The following FNIP1 variants were observed in gnomAD, a reference collection of about 807,000 sequenced individuals.
The protein encoded by FNIP1 is folliculin interacting protein 1, also known as folliculin-interacting protein 1.
Under a neutral mutation model 124.5 loss-of-function variants are expected in FNIP1, and 40 were observed. The observed-to-expected ratio is 0.32, with a 90% CI of 0.25 to 0.42. The LOEUF (loss-of-function observed/expected upper bound fraction) is 0.42, where lower values mean the gene tolerates loss of function less well. Ranked by LOEUF, FNIP1 falls within the 10% of genes least tolerant of loss-of-function variation. FNIP1 has a pLI of 1.00. For missense variants in FNIP1, 1,176 were observed against 1,403.7 expected, an observed-to-expected ratio of 0.84 and a Z score of 2.59; for synonymous variants, 472 against 470.6, an observed-to-expected ratio of 1.00 and a Z score of -0.04.
intron 11 of FNIP1, among the ~76,000 whole-genome samples, chr5:131,687,767 T>C (rs1454937389): frequency 6.6e-6 from 1 of 152,044 alleles, no homozygotes; most frequent in Middle Eastern, 3.2e-3. Flanking sequence ...GAAGAATGAG[T>C]GTGAATTCCT....
At chr5:131,670,263 T>G (rs1036642307) in intron 15 of FNIP1, among the ~76,000 whole-genome samples, 200 bp downstream of exon 15, 1 of 152,186 alleles carries the variant, frequency 6.6e-6, no homozygotes, top group African/African-American at 2.4e-5. Context: ...ATTTCAGATA[T>G]CCATGTGGAT....
chr5:131,777,345 G>C (rs1445537056), intron 1 of FNIP1, among the ~76,000 whole-genome samples: 1 of 151,522 alleles, frequency 6.6e-6, no homozygotes, highest in African/African-American at 2.4e-5. Flanking sequence ...TGACAATGAA[G>C]ATCTCTAGAA....
chr5:131,656,464 C>G (rs1352755878), intron 15 of FNIP1, among the ~76,000 whole-genome samples: 1 of 152,126 alleles, frequency 6.6e-6, no homozygotes, highest in Non-Finnish European at 1.5e-5. Context: ...TATGTGGGTA[C>G]AGGGTTGCTG....
intron 15 of FNIP1, among the ~76,000 whole-genome samples, chr5:131,665,573 A>ATAT (rs1554092474): frequency 6.7e-6 from 1 of 149,488 alleles, no homozygotes; most frequent in Non-Finnish European, 1.5e-5. Context: ...AGGATTAAAA[A>ATAT]ATATATATAT....
chr5:131,735,139 A>G (rs1441623735), intron 2 of FNIP1, among the ~76,000 whole-genome samples: 2 of 152,190 alleles, frequency 1.3e-5, no homozygotes, highest in Non-Finnish European at 2.9e-5. Context: ...ATAAAAAAGG[A>G]TGAGTTCATG....
rs1202020218 is a variant in FNIP1, at chr5:131,671,979, G to A, written c.2465C>T (p.Pro822Leu). 2 of 1,614,172 alleles carry A rather than the reference G, an allele frequency of 1.2e-6. No homozygotes were observed. The highest frequency in any genetic ancestry group is 1.7e-6 in the Non-Finnish European group (2 of 1,180,022). The change falls in exon 14 of 18, where the codon CCC (proline) becomes CTC (leucine). Residue 822 changes from proline (P) to leucine (L), a missense_variant. By Grantham distance (98) the Pro-to-Leu change is moderately conservative (BLOSUM62 -3). Coordinates refer to ENST00000510461, the MANE Select transcript of FNIP1 (RefSeq NM_133372.3). Reference protein sequence around the residue: ...NMVSEEPCELPCWNHSDPESM... With the variant: ...NMVSEEPCELLCWNHSDPESM... ...TTCTGGGTCTGAATGATTCCAACAG[G>A]GAAGTTCACAGGGCTCTTCAGAAAC...
At chr5:131,765,476 C>A (rs1434808505) in intron 1 of FNIP1, among the ~76,000 whole-genome samples, 2 of 152,120 alleles carry the variant, frequency 1.3e-5, no homozygotes, top group Admixed American at 1.3e-4. Flanking sequence ...GAACATGTTT[C>A]TTTCTCCATT....
chr5:131,796,778 C>T, intron 1 of FNIP1, 52 bp downstream of exon 1: 1 of 1,513,768 alleles, frequency 6.6e-7, no homozygotes, highest in Non-Finnish European at 9.0e-7. Flanking sequence ...CCCCTGGAGC[C>T]CGGAGCCCAC....
intron 1 of FNIP1, among the ~76,000 whole-genome samples, chr5:131,790,162 G>A (rs780425970): frequency 1.3e-5 from 2 of 151,430 alleles, no homozygotes; most frequent in Non-Finnish European, 3.0e-5. Flanking sequence ...TGTGAACTTG[G>A]GGGAGACAAA....
intron 6 of FNIP1, among the ~76,000 whole-genome samples, chr5:131,713,947 T>A (rs1769384790): frequency 6.6e-6 from 1 of 152,250 alleles, no homozygotes. Flanking sequence ...GTTAGAATAT[T>A]CTTCTACAGA....
chr5:131,693,297 C>CATAT (rs142195628), intron 11 of FNIP1, among the ~76,000 whole-genome samples: 67 of 27,032 alleles, frequency 2.5e-3, no homozygotes, highest in African/African-American at 6.3e-3. Context: ...TAAATATATA[C>CATAT]ATATATATAT....
chr5:131,729,577 C>T (rs1371313324), intron 3 of FNIP1, among the ~76,000 whole-genome samples: 1 of 152,160 alleles, frequency 6.6e-6, no homozygotes, highest in Non-Finnish European at 1.5e-5. Context: ...GCCAGCCACC[C>T]TATATACATA....
chr5:131,740,123 G>A (rs955345586), intron 2 of FNIP1, among the ~76,000 whole-genome samples: 6 of 152,124 alleles, frequency 3.9e-5, no homozygotes, highest in African/African-American at 1.2e-4. Context: ...GTTAAGGTAC[G>A]TTTTTACGTC....
chr5:131,771,921 A>G (rs1230276946), intron 1 of FNIP1, among the ~76,000 whole-genome samples: 2 of 152,168 alleles, frequency 1.3e-5, no homozygotes, highest in Non-Finnish European at 2.9e-5. Flanking sequence ...ACTCCCTAGT[A>G]CCATTATCTC....
At chr5:131,723,014 T>C (rs143461307) in intron 3 of FNIP1, among the ~76,000 whole-genome samples, 1 of 152,222 alleles carries the variant, frequency 6.6e-6, no homozygotes, top group African/African-American at 2.4e-5. Context: ...AAAAAGTCAT[T>C]TCTGTCATAC....
intron 1 of FNIP1, among the ~76,000 whole-genome samples, chr5:131,768,403 A>C (rs543736662): frequency 3.3e-5 from 5 of 152,302 alleles, no homozygotes; most frequent in African/African-American, 1.2e-4. Context: ...CACTGGAAGA[A>C]TGTTAAATGA....
chr5:131,710,750 C>G, intron 6 of FNIP1, 89 bp from the exon 7 acceptor site: 1 of 1,000,042 alleles, frequency 1.0e-6, no homozygotes, highest in Non-Finnish European at 1.5e-6. Context: ...TAAGGCAGCA[C>G]AAGAGCAGAC....
chr5:131,647,206 C>CTG lies in FNIP1; in HGVS notation c.3307-3_3307-2dup. 6.2e-7 allele frequency: 1 copy of CTG among 1,612,236 alleles called. No individual in the cohort carries two copies. Among genetic ancestry groups the CTG allele is most frequent in the South Asian group, 1.1e-5 (1 of 91,036 alleles). On this transcript the variant is annotated splice_acceptor_variant, in intron 16 of 17. Transcript: ENST00000510461. LOFTEE classifies it high-confidence loss of function. ...ACCGGTCTTCAAGATGCATTACACA[C>CTG]TGCAGTTAGGGAGGAACCAAGAACC...
At chr5:131,787,036 C>T (rs944440852) in intron 1 of FNIP1, among the ~76,000 whole-genome samples, 1 of 152,164 alleles carries the variant, frequency 6.6e-6, no homozygotes, top group Non-Finnish European at 1.5e-5. Context: ...TCAGTATCTA[C>T]TTCCCCCTCT....
Sources: allele counts gnomAD v4.1 joint callset (sites outside exome capture counted in the v4.1 genomes callset), GRCh38; gene constraint gnomAD v4.1.1; transcripts MANE v1.5; gene names NCBI Gene and HGNC (gene_info 2026-07-23, HGNC 2026-07-21).